FAM227B: variants seen among roughly 807,000 people sequenced by gnomAD.
FAM227B encodes family with sequence similarity 227 member B, also known as protein FAM227B.
In FAM227B, 88 loss-of-function variants were observed where a neutral mutation model predicts 73.8. That is an observed-to-expected ratio of 1.19 (90% CI 1.00 to 1.42). FAM227B has a LOEUF of 1.42. Among genes scored for constraint, FAM227B ranks in the 40% most tolerant of loss-of-function variants. The pLI, the probability that FAM227B is intolerant of heterozygous loss-of-function variation, is 0.00. For synonymous variants in FAM227B, 210 were observed against 190.5 expected (o/e 1.10, Z -0.84); for missense variants, 632 against 590.9 (o/e 1.07, Z -0.72).
chr15:49,360,671 TC>T (rs1189468617), intron 13 of FAM227B, among the ~76,000 whole-genome samples: 1 of 152,142 alleles, frequency 6.6e-6, no homozygotes, highest in Non-Finnish European at 1.5e-5. Flanking sequence ...ATCCTAGACA[TC>T]AAAGTTTTTC....
At chr15:49,426,910 T>C (rs1350226180) in intron 11 of FAM227B, among the ~76,000 whole-genome samples, 3 of 151,998 alleles carry the variant, frequency 2.0e-5, no homozygotes, top group African/African-American at 7.2e-5. Context: ...TCAGAATCCT[T>C]TAAGTAAACC....
chr15:49,509,023 G>T (rs1287294913), intron 10 of FAM227B, among the ~76,000 whole-genome samples: 1 of 152,138 alleles, frequency 6.6e-6, no homozygotes, highest in South Asian at 2.1e-4. Context: ...CTGTGGGGGA[G>T]AGTCTTTATT....
intron 11 of FAM227B, among the ~76,000 whole-genome samples, chr15:49,436,062 G>GA (rs1260559988): frequency 6.6e-6 from 1 of 150,958 alleles, no homozygotes; most frequent in Non-Finnish European, 1.5e-5. Flanking sequence ...TTTCACGGAA[G>GA]AAAAAAAAGA....
chr15:49,483,605 T>C (rs1304679866), intron 11 of FAM227B, among the ~76,000 whole-genome samples: 2 of 152,022 alleles, frequency 1.3e-5, no homozygotes, highest in African/African-American at 4.8e-5. Context: ...AATTTGCACA[T>C]TGCTGACATG....
intron 9 of FAM227B, among the ~76,000 whole-genome samples, chr15:49,550,377 C>T (rs1192791249): frequency 1.9e-3 from 271 of 140,012 alleles, no homozygotes; most frequent in African/African-American, 6.6e-3. Context: ...GCTGGCCTGG[C>T]GGGGGCTGAC....
At chr15:49,464,062 C>A (rs995724405) in intron 11 of FAM227B, among the ~76,000 whole-genome samples, 3 of 152,146 alleles carry the variant, frequency 2.0e-5, no homozygotes, top group Admixed American at 6.5e-5. Context: ...TCCCCAAACA[C>A]CTGCTGTATG....
intron 10 of FAM227B, among the ~76,000 whole-genome samples, chr15:49,532,135 G>A (rs2060657461): frequency 6.6e-6 from 1 of 150,834 alleles, no homozygotes; most frequent in African/African-American, 2.4e-5. Context: ...CAGATATTTA[G>A]GGAAGCTGGT....
chr15:49,539,796 A>C (rs750214773), intron 10 of FAM227B, among the ~76,000 whole-genome samples: 3 of 152,200 alleles, frequency 2.0e-5, no homozygotes, highest in Non-Finnish European at 4.4e-5. Context: ...GGAGGTGTTT[A>C]TGGAGTGGCT....
At position 49,333,336 on chromosome 15, in the gene FAM227B, C is replaced by CT. The variant is rs762361719; in HGVS notation, c.1350-1488dup. Among the ~76,000 whole-genome samples, 9 of 152,266 alleles carry CT rather than the reference C, an allele frequency of 5.9e-5. No homozygotes were observed. The East Asian group carries it at 1.7e-3, about 29-fold the overall frequency. ...GGAAGCTCATACATTGTGCCTATAA[C>CT]TTTAACAAGCACGTGAGATTTATAT... is the stretch of plus-strand genomic sequence containing the variant. On this transcript the variant is annotated intron_variant, in intron 14 of 15. Coordinates refer to ENST00000299338, the MANE Select transcript of FAM227B (RefSeq NM_152647.3).
rs568480557 is a variant in FAM227B, at chr15:49,418,169, T to C, written c.1013-46770A>G. Among the ~76,000 whole-genome samples the C allele has an allele frequency of 2.0e-5, 3 of 152,270 alleles. No individual in the cohort carries two copies. In the East Asian group the frequency reaches 5.8e-4, roughly 29 times the overall value. ...TACTAAAAAGTCAAAAAATAAACGC[T>C]GGCAAGCTTGCAGAGAAAAGGGAAC... On this transcript the variant is annotated intron_variant, in intron 11 of 15. Transcript: ENST00000299338.
chr15:49,388,261 A>G (rs1174901119), intron 11 of FAM227B, among the ~76,000 whole-genome samples: 1 of 152,000 alleles, frequency 6.6e-6, no homozygotes, highest in East Asian at 1.9e-4. Flanking sequence ...CTAAAACAGC[A>G]TGATACTGAT....
At chr15:49,605,421 C>T (rs1161603441) in intron 3 of FAM227B, among the ~76,000 whole-genome samples, 2 of 152,214 alleles carry the variant, frequency 1.3e-5, no homozygotes, top group African/African-American at 2.4e-5. Flanking sequence ...TGACCTGGCA[C>T]AGCAGTCCAC....
intron 13 of FAM227B, among the ~76,000 whole-genome samples, chr15:49,342,857 A>G (rs149785443): frequency 2.6e-5 from 4 of 152,158 alleles, no homozygotes; most frequent in African/African-American, 4.8e-5. Flanking sequence ...TAGGCCCCCA[A>G]TCTCTCCTGG....
intron 11 of FAM227B, among the ~76,000 whole-genome samples, chr15:49,417,384 A>G (rs2151714738): frequency 6.6e-6 from 1 of 152,194 alleles, no homozygotes; most frequent in East Asian, 1.9e-4. Flanking sequence ...TAAAAAAATA[A>G]TGACAAAGCT....
intron 10 of FAM227B, among the ~76,000 whole-genome samples, chr15:49,538,461 G>C (rs1436338353): frequency 6.6e-6 from 1 of 152,116 alleles, no homozygotes; most frequent in Non-Finnish European, 1.5e-5. Context: ...AGGATGCTCT[G>C]GTAGGCTGAG....
chr15:49,336,318 C>G (rs571322140), intron 13 of FAM227B, among the ~76,000 whole-genome samples: 91 of 152,360 alleles, frequency 6.0e-4, no homozygotes, highest in African/African-American at 2.1e-3. Context: ...TATGTCCTAA[C>G]CTTGGCCTTA....
chr15:49,372,827 T>A (rs563732455), intron 11 of FAM227B, among the ~76,000 whole-genome samples: 1 of 151,958 alleles, frequency 6.6e-6, no homozygotes, highest in Admixed American at 6.5e-5. Context: ...CTTTTAAGAG[T>A]TAAAGAAAGT....
Position 49,588,080 on chromosome 15 carries a change from G to C in FAM227B, c.341C>G (p.Ser114Cys). The C allele has an allele frequency of 7.2e-7, 1 of 1,393,424 alleles. No individual in the cohort carries two copies. Among genetic ancestry groups the C allele is most frequent in the Non-Finnish European group, 9.6e-7 (1 of 1,043,866 alleles). The allele number at this position is 1,393,424 out of a possible 1,614,324, so 86.3% of individuals were successfully genotyped here. ...KWKSMISETSSYRKLERYGEF... is the reference protein window; with the variant it reads ...KWKSMISETSCYRKLERYGEF... ...CCCATATCGTTCCAATTTTCTATAAGAACCTTTAAGAAAATAAGAATTCAC... is the reference window on the plus strand; with the variant it reads ...CCCATATCGTTCCAATTTTCTATAACAACCTTTAAGAAAATAAGAATTCAC... Residue 114 changes from serine (S) to cysteine (C), a missense_variant, in exon 5 of 16, where the codon TCT becomes TGT. Coordinates refer to ENST00000299338, the MANE Select transcript of FAM227B (RefSeq NM_152647.3).
intron 10 of FAM227B, among the ~76,000 whole-genome samples, chr15:49,537,285 A>T (rs978422821): frequency 6.6e-6 from 1 of 152,184 alleles, no homozygotes; most frequent in Non-Finnish European, 1.5e-5. Context: ...TTCAAAGAAG[A>T]CATACAAATA....
Sources: allele counts gnomAD v4.1 joint callset (sites outside exome capture counted in the v4.1 genomes callset), GRCh38; gene constraint gnomAD v4.1.1; transcripts MANE v1.5; gene names NCBI Gene and HGNC (gene_info 2026-07-23, HGNC 2026-07-21).